The following ADAD2 variants were observed in gnomAD, a reference collection of about 807,000 sequenced individuals.
ADAD2 encodes the protein adenosine deaminase domain-containing protein 2.
Under a neutral mutation model 54.5 loss-of-function variants are expected in ADAD2, and 60 were observed. The ratio of observed to expected loss-of-function variants is 1.10; its 90% CI spans 0.89 to 1.36. The LOEUF (loss-of-function observed/expected upper bound fraction) is 1.36. Among genes scored for constraint, ADAD2 ranks in the 40% most tolerant of loss-of-function variants. The pLI, the probability that ADAD2 is intolerant of heterozygous loss-of-function variation, is 0.00. For synonymous variants in ADAD2, 543 were observed against 366.2 expected, an observed-to-expected ratio of 1.48 and a Z score of -5.51; for missense variants, 1,103 against 801.3, an observed-to-expected ratio of 1.38 and a Z score of -4.54.
intron 1 of ADAD2, chr16:84,191,921 GC>G (rs2089661699): frequency 1.7e-6 from 1 of 578,082 alleles, no homozygotes; most frequent in Non-Finnish European, 3.1e-6. Flanking sequence ...GGAGGTTAAG[GC>G]CCCCTGGTAT....
chr16:84,193,946 C>T, intron 1 of ADAD2: 3 of 1,462,762 alleles, frequency 2.1e-6, no homozygotes, highest in South Asian at 2.7e-5. Flanking sequence ...GATCCCAGTT[C>T]CAGATTTTTC....
chr16:84,191,422 G>C lies in ADAD2; in HGVS notation c.192G>C (p.Leu64Phe). The change falls in exon 1 of 10, where the codon TTG becomes TTC. Residue 64 changes from leucine to phenylalanine, a missense_variant. Physicochemically the swap from Leu to Phe is conservative, Grantham distance 22 (BLOSUM62 0). Transcript: ENST00000315906. ...GCGGGTGGCCCCAGGTCTCGGTGTT[G>C]AGGGACAGTGGGCCTGGGGCAGGGG... ...AEGGWPQVSV[L>F]RDSGPGAGAG... The C allele has an allele frequency of 6.6e-7, 1 of 1,503,824 alleles. No homozygotes were observed. The highest frequency in any genetic ancestry group is 8.8e-7 in the Non-Finnish European group (1 of 1,129,974). The allele number at this position is 1,503,824 out of a possible 1,614,324, so 93.2% of individuals were successfully genotyped here. A position where few individuals can be genotyped will look rare whatever the true frequency, so the allele number is the denominator to read the frequency against.
chr16:84,196,516 C>A, intron 8 of ADAD2, 131 bp from the exon 9 acceptor site: 1 of 1,544,882 alleles, frequency 6.5e-7, no homozygotes, highest in Non-Finnish European at 8.8e-7. Context: ...GTAGTGGTGG[C>A]CACACCTCTG....
At chr16:84,195,029 G>A (rs751088707) in intron 3 of ADAD2, 40 bp from the exon 4 acceptor site, 10 of 1,612,404 alleles carry the variant, frequency 6.2e-6, no homozygotes, top group East Asian at 2.2e-5. Context: ...GGGGAGAGGC[G>A]TGGGCCCCCT....
rs2089654827 is a variant in ADAD2 at position 84,191,565 on chromosome 16, C to T, written c.335C>T (p.Pro112Leu). 2 of 1,549,144 alleles carry T rather than the reference C, an allele frequency of 1.3e-6. No homozygotes were observed. The highest frequency in any genetic ancestry group is 1.2e-5 in the South Asian group (1 of 84,070). Reference sequence around the variant, plus strand: ...CTCAGCCTGCCGCTCAAAGACCCACCTGCCAGCCAGGCCGTGTCCTTGCTC... The same window carrying T: ...CTCAGCCTGCCGCTCAAAGACCCACTTGCCAGCCAGGCCGTGTCCTTGCTC... ...AGLSLPLKDP[P>L]ASQAVSLLTE... Residue 112 changes from proline (P) to leucine (L), a missense_variant, in exon 1 of 10, where the codon CCT becomes CTT. By Grantham distance (98) the Pro-to-Leu change is moderately conservative (BLOSUM62 -3). Transcript: ENST00000315906.
chr16:84,195,751 T>G (rs2089720521), intron 6 of ADAD2, 54 bp downstream of exon 6: 1 of 1,535,268 alleles, frequency 6.5e-7, no homozygotes. Context: ...GTTGGGCTGC[T>G]GGGTGGGGGC....
intron 1 of ADAD2, among the ~76,000 whole-genome samples, chr16:84,192,177 C>T (rs2089664890): frequency 1.3e-5 from 2 of 152,184 alleles, no homozygotes; most frequent in African/African-American, 4.8e-5. Context: ...CAGGGTCTTA[C>T]TCTGTTGCCC....
At chr16:84,191,896 C>T (rs2089661320) in intron 1 of ADAD2, 4 of 624,204 alleles carry the variant, frequency 6.4e-6, no homozygotes, top group Admixed American at 2.7e-5. Context: ...AACATTCTTC[C>T]CACCTGACTT....
rs2089743034 is a variant in ADAD2 at position 84,197,151 on chromosome 16, A to G, written c.*177A>G. On this transcript the variant is annotated 3_prime_UTR_variant, in exon 10 of 10. Coordinates refer to ENST00000315906, the MANE Select transcript of ADAD2 (RefSeq NM_001145400.2). ...CTGCTGCACGTTTGGGCTTGAATAA[A>G]GAAGTATTTCTGGTTCCTGTGTGTG... 1 of 601,578 alleles carries G rather than the reference A, an allele frequency of 1.7e-6. No homozygotes were observed. Among genetic ancestry groups the G allele is most frequent in the Non-Finnish European group, 2.9e-6 (1 of 350,584 alleles). The allele number at this position is 601,578 out of a possible 1,614,324, so 37.3% of individuals were successfully genotyped here.
Position 84,196,175 on chromosome 16 carries a change from G to A in ADAD2, c.1331G>A (p.Arg444Gln), listed in dbSNP as rs575827525. ...PPTLSRAIHT[R>Q]PCLDSVLGPC... ...ACTCTGAGCAGGGCCATCCACACCC[G>A]GCCCTGCCTGGACAGTGTCCTGGGG... is the stretch of plus-strand genomic sequence containing the variant. The change falls in exon 8 of 10, where the codon CGG becomes CAG. Residue 444 changes from arginine to glutamine, a missense_variant. Transcript: ENST00000315906. 30 of 1,607,752 alleles carry A rather than the reference G, an allele frequency of 1.9e-5. No individual in the cohort carries two copies. The highest frequency in any genetic ancestry group is 8.0e-5 in the African/African-American group (6 of 75,004).
intron 2 of ADAD2, 153 bp downstream of exon 2, chr16:84,194,735 G>A (rs1235440417): frequency 7.2e-7 from 1 of 1,392,056 alleles, no homozygotes; most frequent in East Asian, 2.5e-5. Flanking sequence ...CCTGCAGGGA[G>A]CTGGGGCGGG....
In ADAD2 at chr16:84,195,091, G is replaced by A; in HGVS notation, c.630G>A (p.Gln210=). The A allele has an allele frequency of 6.2e-7, 1 of 1,613,686 alleles. No individual in the cohort carries two copies. The highest frequency in any genetic ancestry group is 8.5e-7 in the Non-Finnish European group (1 of 1,179,968). ...CAGAGAACATCCTGACCCATGAGCAGCGCTGCGCAGCGTTGGTGAGCGCCG... is the reference window on the plus strand; with the variant it reads ...CAGAGAACATCCTGACCCATGAGCAACGCTGCGCAGCGTTGGTGAGCGCCG... ...LSVENILTHE[Q]RCAALVSAGF... is the part of the protein sequence containing the mutation. The change falls in exon 4 of 10, where the codon CAG becomes CAA. Residue 210 remains glutamine, a synonymous_variant. Transcript: ENST00000315906.
chr16:84,196,848 C>G (rs1003444205), intron 9 of ADAD2, 22 bp from the exon 10 acceptor site: 11 of 1,592,010 alleles, frequency 6.9e-6, no homozygotes, highest in Non-Finnish European at 2.6e-6. Context: ...CCTCTCACCC[C>G]ACCTCTCATC....
intron 2 of ADAD2, 171 bp downstream of exon 2, chr16:84,194,753 T>G (rs1195258827): frequency 1.5e-6 from 2 of 1,304,350 alleles, no homozygotes; most frequent in South Asian, 2.7e-5. Flanking sequence ...GGGGTACATG[T>G]GCCGGTCCCT....
rs964918304 is a variant in ADAD2 at position 84,194,919 on chromosome 16, C to G, written c.560-14C>G. 3 of 1,599,640 alleles carry G rather than the reference C, an allele frequency of 1.9e-6. No individual in the cohort carries two copies. Among genetic ancestry groups the G allele is most frequent in the African/African-American group, 1.3e-5 (1 of 74,538 alleles). ...TTGGCACCCACACCAGCCCGCCCTC[C>G]TTGCCTCTTTCAGAGTCCCCCCAGA... On this transcript the variant is annotated splice_polypyrimidine_tract_variant and intron_variant, in intron 2 of 9. Coordinates refer to ENST00000315906, the MANE Select transcript of ADAD2 (RefSeq NM_001145400.2).
chr16:84,194,745 G>A (rs1481301262), intron 2 of ADAD2, 163 bp downstream of exon 2: 1 of 1,352,522 alleles, frequency 7.4e-7, no homozygotes, highest in Non-Finnish European at 1.0e-6. Flanking sequence ...GCTGGGGCGG[G>A]GTACATGTGC....
In ADAD2 at chr16:84,196,240, C is replaced by T. The variant is rs540689328; in HGVS notation, c.1396C>T (p.Leu466=). The change falls in exon 8 of 10, where the codon CTG becomes TTG. Residue 466 remains leucine, a synonymous_variant. Transcript: ENST00000315906. ...TCCCTACGTCCGGACCGCCCTGCAC[C>T]TGTTTGCAGGGCCCCCGGTGGCCCC... ...PPPYVRTALH[L]FAGPPVAPSE... is the part of the protein sequence containing the mutation. The T allele has an allele frequency of 4.3e-6, 7 of 1,612,190 alleles. No homozygotes were observed. In the East Asian group the frequency reaches 1.6e-4, roughly 36 times the overall value.
chr16:84,194,358 A>G (rs2089697336), intron 1 of ADAD2, 84 bp from the exon 2 acceptor site: 3 of 1,555,414 alleles, frequency 1.9e-6, no homozygotes, highest in Non-Finnish European at 2.6e-6. Context: ...CGTCCTCGAT[A>G]TCAGGTGTCA....
At chr16:84,196,820 T>G in intron 9 of ADAD2, 50 bp from the exon 10 acceptor site, 1 of 1,542,374 alleles carries the variant, frequency 6.5e-7, no homozygotes. Context: ...CTGCAGTCCC[T>G]GCCCCCTGCA....
Sources: gnomAD v4.1 joint callset for allele counts (sites outside exome capture counted in the v4.1 genomes callset) on GRCh38, gnomAD v4.1.1 for gene constraint, MANE v1.5 for transcripts, NCBI Gene and HGNC (gene_info 2026-07-23, HGNC 2026-07-21) for gene names.